The following MYO7B variants were observed in gnomAD, a reference collection of about 807,000 sequenced individuals.
MYO7B encodes the protein myosin VIIB.
A neutral mutation model predicts 259.7 loss-of-function variants in MYO7B; 212 were observed. The observed-to-expected ratio is 0.82, with a 90% CI of 0.73 to 0.91. The LOEUF (loss-of-function observed/expected upper bound fraction) is 0.91, where lower values mean the gene tolerates loss of function less well. MYO7B is among the 40% of genes least tolerant of loss of function. The pLI, the probability that MYO7B is intolerant of heterozygous loss-of-function variation, is 0.00. For synonymous variants in MYO7B, 1,197 were observed against 1,166.4 expected (o/e 1.03, Z -0.54); for missense variants, 2,732 against 2,813.5 (o/e 0.97, Z 0.66).
At chr2:127,566,957 A>G (rs944702927) in intron 5 of MYO7B, 130 bp downstream of exon 5, 2 of 964,458 alleles carry the variant, frequency 2.1e-6, no homozygotes, top group Middle Eastern at 2.6e-4. Context: ...ACAGCACACA[A>G]CGGCCCCAGT....
intron 26 of MYO7B, among the ~76,000 whole-genome samples, chr2:127,619,693 C>T (rs942697431): frequency 6.6e-6 from 1 of 152,074 alleles, no homozygotes; most frequent in Non-Finnish European, 1.5e-5. Context: ...AAACATTTAC[C>T]AGCACACCAC....
chr2:127,561,835 C>CTA (rs1678097561), intron 2 of MYO7B, among the ~76,000 whole-genome samples: 1 of 152,184 alleles, frequency 6.6e-6, no homozygotes, highest in South Asian at 2.1e-4. Flanking sequence ...ATGGCCTAAA[C>CTA]CACAGACATT....
Position 127,585,445 on chromosome 2 carries a change from A to T in MYO7B, c.1690+532A>T, listed in dbSNP as rs1330289422. ...CCATGTCTTTTTATTGCAGAAAAAC[A>T]TTCCATTATCTGGAATGTTTATCTC... On this transcript the variant is annotated intron_variant, in intron 14 of 47. Transcript: ENST00000409816. This position sits in a 1 kb window ranked among gnomAD's most constrained non-coding sequence, Gnocchi z 4.3. Among the ~76,000 whole-genome samples the T allele has an allele frequency of 1.3e-5, 2 of 152,218 alleles. No homozygotes were observed. The highest frequency in any genetic ancestry group is 1.5e-5 in the Non-Finnish European group (1 of 68,038).
rs773524942 is a variant in MYO7B at position 127,559,113 on chromosome 2, GCTC to G, written c.-23-578_-23-576del. Among the ~76,000 whole-genome samples, 113 of 152,230 alleles carry G rather than the reference GCTC, an allele frequency of 7.4e-4. No individual in the cohort carries two copies. The highest frequency in any genetic ancestry group is 1.4e-3 in the Non-Finnish European group (95 of 68,024). ...AAATGGGACAAGTGGGCTCCTCCCC[GCTC>G]CTCCTCCTGCTGGGCCTGGCTGCCT... On this transcript the variant is annotated intron_variant, in intron 1 of 47. Transcript: ENST00000409816. The surrounding 1 kb of genome is among the most constrained non-coding windows in gnomAD (Gnocchi z 4.1).
chr2:127,604,388 G>A (rs1680085040), intron 19 of MYO7B, among the ~76,000 whole-genome samples: 1 of 152,190 alleles, frequency 6.6e-6, no homozygotes, highest in South Asian at 2.1e-4. Flanking sequence ...TCTGGGTTGG[G>A]CTTTGGCTTA....
At chr2:127,570,608 T>G (rs2104891278) in intron 6 of MYO7B, among the ~76,000 whole-genome samples, 1 of 152,370 alleles carries the variant, frequency 6.6e-6, no homozygotes, top group Non-Finnish European at 1.5e-5. Context: ...GAAGTTTGCT[T>G]TACATATAGT....
intron 31 of MYO7B, 104 bp downstream of exon 31, chr2:127,625,639 C>G (rs11693142): frequency 1.6e-6 from 2 of 1,215,974 alleles, no homozygotes; most frequent in African/African-American, 3.1e-5. Flanking sequence ...ACAACCCCCA[C>G]CCCCTGGGGA....
Position 127,584,389 on chromosome 2 carries a change from G to C in MYO7B, c.1554+57G>C. 6.4e-7 allele frequency: 1 copy of C among 1,569,204 alleles called. No individual in the cohort carries two copies. The highest frequency in any genetic ancestry group is 2.2e-5 in the East Asian group (1 of 44,626). ...GAGGCCCTGCTATGGGTCTCCTCTTGGAGGCTGGGAAACTCCATTTGGGTG... is the reference window on the plus strand; with the variant it reads ...GAGGCCCTGCTATGGGTCTCCTCTTCGAGGCTGGGAAACTCCATTTGGGTG... On this transcript the variant is annotated intron_variant, in intron 13 of 47. Coordinates refer to ENST00000409816, the MANE Select transcript of MYO7B (RefSeq NM_001393586.1). The surrounding 1 kb of genome is among the most constrained non-coding windows in gnomAD (Gnocchi z 5.8).
Position 127,597,057 on chromosome 2 carries a change from A to G in MYO7B, c.2339+501A>G, listed in dbSNP as rs1573671754. Among the ~76,000 whole-genome samples, 4 of 152,334 alleles carry G rather than the reference A, an allele frequency of 2.6e-5. No homozygotes were observed. The highest frequency in any genetic ancestry group is 2.6e-4 in the Admixed American group (4 of 15,306). ...TGGAAACCCAGGCATGAGAAAGTAG[A>G]AGACAGCCAGCCCCGGGAATAGAGA... is the stretch of plus-strand genomic sequence containing the variant. On this transcript the variant is annotated intron_variant, in intron 19 of 47. Coordinates refer to ENST00000409816, the MANE Select transcript of MYO7B (RefSeq NM_001393586.1). This position sits in a 1 kb window ranked among gnomAD's most constrained non-coding sequence, Gnocchi z 4.8.
chr2:127,634,517 C>G lies in MYO7B; in HGVS notation c.5626-79C>G, dbSNP rs761240203. ...GCAGCACCCAGGCCGTAGGCGGCCACTGGACCAGAACCCAGCAGGTTCTCA... is the reference window on the plus strand; with the variant it reads ...GCAGCACCCAGGCCGTAGGCGGCCAGTGGACCAGAACCCAGCAGGTTCTCA... On this transcript the variant is annotated intron_variant, in intron 41 of 47. Coordinates refer to ENST00000409816, the MANE Select transcript of MYO7B (RefSeq NM_001393586.1). 52 of 1,341,878 alleles carry G rather than the reference C, an allele frequency of 3.9e-5. 1 individual carries two copies. The highest frequency in any genetic ancestry group is 2.2e-5 in the Non-Finnish European group (21 of 955,292). 83.1% of individuals were successfully genotyped at this position (1,341,878 alleles called of 1,614,324 possible).
intron 40 of MYO7B, among the ~76,000 whole-genome samples, chr2:127,633,824 G>A (rs529162279): frequency 5.5e-4 from 84 of 152,194 alleles, no homozygotes; most frequent in Admixed American, 7.2e-4. Flanking sequence ...AAAGACAAGC[G>A]GGCTGAGAGG....
In MYO7B at chr2:127,578,177, C is replaced by T. The variant is rs771748990; in HGVS notation, c.894C>T (p.Tyr298=). 1.5e-5 allele frequency: 25 copies of T among 1,613,710 alleles called. No individual in the cohort carries two copies. Among genetic ancestry groups the T allele is most frequent in the East Asian group, 2.2e-5 (1 of 44,860 alleles). ...SCEGLNDAKD[Y]AHIRSAMKIL... ...AGGGGCTCAACGACGCCAAGGACTA[C>T]GCCCACATCCGCTCGGCCATGAAGA... Residue 298 remains tyrosine, a synonymous_variant, in exon 9 of 48, where the codon TAC becomes TAT. Transcript: ENST00000409816.
chr2:127,604,877 A>G (rs1680106563), intron 19 of MYO7B, among the ~76,000 whole-genome samples: 2 of 152,206 alleles, frequency 1.3e-5, no homozygotes, highest in Admixed American at 1.3e-4. Flanking sequence ...TTGTAACACT[A>G]AAGATCACAG....
At position 127,581,928 on chromosome 2, in the gene MYO7B, A is replaced by G; in HGVS notation, c.1118A>G (p.His373Arg). Residue 373 changes from histidine (H) to arginine (R), a missense_variant, in exon 11 of 48, where the codon CAC (histidine) becomes CGC (arginine). Physicochemically the swap from His to Arg is conservative, Grantham distance 29 (BLOSUM62 0). Around this residue, in one of 3 missense-constraint regions of MYO7B, gnomAD observed 1,906 missense variants for 2,026.4 expected, o/e 0.94. Transcript: ENST00000409816. Reference sequence around the variant, plus strand: ...GAGCTCCGGGACTGTCTGATCAAGCACACCATCCTCATCCGAGGGGAATTT... The same window carrying G: ...GAGCTCCGGGACTGTCTGATCAAGCGCACCATCCTCATCCGAGGGGAATTT... ...HQELRDCLIK[H>R]TILIRGEFVT... is the part of the protein sequence containing the mutation. 6.2e-7 allele frequency: 1 copy of G among 1,613,874 alleles called. No homozygotes were observed. Among genetic ancestry groups the G allele is most frequent in the Non-Finnish European group, 8.5e-7 (1 of 1,179,878 alleles).
At chr2:127,635,313 G>C in intron 43 of MYO7B, 87 bp downstream of exon 43, 1 of 1,300,640 alleles carries the variant, frequency 7.7e-7, no homozygotes, top group Non-Finnish European at 1.1e-6. Flanking sequence ...GCAGGCCAGG[G>C]CAGGGCCAGC....
In MYO7B at chr2:127,628,239, C is replaced by A; in HGVS notation, c.4461-133C>A. 2 of 1,119,104 alleles carry A rather than the reference C, an allele frequency of 1.8e-6. No homozygotes were observed. The highest frequency in any genetic ancestry group is 1.3e-6 in the Non-Finnish European group (1 of 767,052). 69.3% of individuals were successfully genotyped at this position (1,119,104 alleles called of 1,614,324 possible). A position where few individuals can be genotyped will look rare whatever the true frequency, so the allele number is the denominator to read the frequency against. On this transcript the variant is annotated intron_variant, in intron 33 of 47. Transcript: ENST00000409816. This position sits in a 1 kb window ranked among gnomAD's most constrained non-coding sequence, Gnocchi z 4.8. ...GACCCACAGTGGTGTCTGGCCTAGT[C>A]CTGGCCCTGGCAGAGCAGCTCTGTG...
At chr2:127,623,148 C>T in intron 28 of MYO7B, 54 bp from the exon 29 acceptor site, 1 of 1,596,172 alleles carries the variant, frequency 6.3e-7, no homozygotes, top group Non-Finnish European at 8.5e-7. Flanking sequence ...GGGGGGTTGG[C>T]CTCCTGTCCA....
At position 127,614,157 on chromosome 2, in the gene MYO7B, G is replaced by A. The variant is rs1450328461; in HGVS notation, c.3398+1554G>A. ...AGACACATAAAAGCTATATTCGAATGATGTGTACTTTGGGTTCTTCAGACA... is the reference window on the plus strand; with the variant it reads ...AGACACATAAAAGCTATATTCGAATAATGTGTACTTTGGGTTCTTCAGACA... On this transcript the variant is annotated intron_variant, in intron 26 of 47. Transcript: ENST00000409816. The surrounding 1 kb of genome is among the most constrained non-coding windows in gnomAD (Gnocchi z 4.6). Among the ~76,000 whole-genome samples, 1 of 152,122 alleles carries A rather than the reference G, an allele frequency of 6.6e-6. No individual in the cohort carries two copies. Among genetic ancestry groups the A allele is most frequent in the East Asian group, 1.9e-4 (1 of 5,194 alleles).
intron 43 of MYO7B, 166 bp downstream of exon 43, chr2:127,635,392 A>T: frequency 1.5e-6 from 1 of 671,226 alleles, no homozygotes; most frequent in Non-Finnish European, 2.5e-6. Flanking sequence ...CCAGGAGCAG[A>T]GGGCAGCAAT....
Sources: allele counts gnomAD v4.1 joint callset (sites outside exome capture counted in the v4.1 genomes callset), GRCh38; gene constraint gnomAD v4.1.1; regional missense constraint gnomAD v4.1.1; non-coding constraint Gnocchi (gnomAD v3.1); transcripts MANE v1.5; gene names NCBI Gene and HGNC (gene_info 2026-07-23, HGNC 2026-07-21).